The following NLRP4 variants were observed in gnomAD, a reference collection of about 807,000 sequenced individuals.
The protein encoded by NLRP4 is NACHT, LRR and PYD domains-containing protein 4.
NLRP4 carries 44 observed loss-of-function variants against 84.7 expected under a neutral mutation model. The observed-to-expected ratio is 0.52, with a 90% CI of 0.41 to 0.67. The LOEUF is 0.67. Among genes scored for constraint, NLRP4 ranks in the 30% least tolerant of loss-of-function variants. The pLI is 0.00. For synonymous variants in NLRP4, 544 were observed against 476.4 expected (o/e 1.14, Z -1.85); for missense variants, 1,260 against 1,219.4 (o/e 1.03, Z -0.50).
chr19:55,861,318 G>C, intron 3 of NLRP4, 68 bp from the exon 4 acceptor site: 2 of 1,333,686 alleles, frequency 1.5e-6, no homozygotes, highest in Non-Finnish European at 2.1e-6. Context: ...AGCGTAGTGC[G>C]TATATGTGTT....
chr19:55,861,583 C>G (rs760460550), intron 4 of NLRP4, 36 bp downstream of exon 4: 6 of 1,592,136 alleles, frequency 3.8e-6, no homozygotes, highest in African/African-American at 2.7e-5. Context: ...GAGTATGTCA[C>G]GGAGATGACC....
At chr19:55,853,622 C>G (rs1392330396) in intron 2 of NLRP4, among the ~76,000 whole-genome samples, 1 of 152,206 alleles carries the variant, frequency 6.6e-6, no homozygotes, top group East Asian at 1.9e-4. Context: ...ATTGCCCAGG[C>G]TGGTCTCAAA....
rs572769324 is a variant in NLRP4, at chr19:55,870,644, C to T, written c.2355-183C>T. Among the ~76,000 whole-genome samples, 34 of 152,186 alleles carry T rather than the reference C, an allele frequency of 2.2e-4. No homozygotes were observed. In the South Asian group the frequency reaches 2.5e-3, roughly 11 times the overall value. ...CGCCGTTGCATTCCAGCCCGGGCGACGACAGCAAAACTCCATCTCAAAAGA... is the reference window on the plus strand; with the variant it reads ...CGCCGTTGCATTCCAGCCCGGGCGATGACAGCAAAACTCCATCTCAAAAGA... On this transcript the variant is annotated intron_variant, in intron 6 of 9. Transcript: ENST00000301295.
intron 2 of NLRP4, among the ~76,000 whole-genome samples, chr19:55,856,854 G>A (rs1361568870): frequency 2.0e-5 from 3 of 152,078 alleles, no homozygotes; most frequent in South Asian, 2.1e-4. Context: ...TGAGAATTCT[G>A]CCATTGAAAG....
Position 55,878,806 on chromosome 19 carries a change from TG to T in NLRP4, c.2712del (p.Leu905Ter), listed in dbSNP as rs1568676847. 6.2e-7 allele frequency: 1 copy of T among 1,611,626 alleles called. No homozygotes were observed. The highest frequency in any genetic ancestry group is 2.2e-5 in the East Asian group (1 of 44,796). On this transcript the variant is annotated frameshift_variant, in exon 9 of 10. Transcript: ENST00000301295. LOFTEE classifies it high-confidence loss of function. ...RLEILGLEEC[G>X]LTSTCCKDLA... is the part of the protein sequence containing the mutation. ...CTTTTTATTGCAGGTTGGAAGAATG[TG>T]GGTTAACGAGCACCTGCTGTAAGGA...
rs373447772 is a variant in NLRP4 at position 55,863,991 on chromosome 19, A to G, written c.2186+1832A>G. Among the ~76,000 whole-genome samples the G allele has an allele frequency of 1.8e-4, 27 of 152,264 alleles. No homozygotes were observed. The East Asian group carries it at 3.3e-3, about 18-fold the overall frequency. On this transcript the variant is annotated intron_variant, in intron 5 of 9. Coordinates refer to ENST00000301295, the MANE Select transcript of NLRP4 (RefSeq NM_134444.5). ...ATCAACCGAACACAAAAAGACCCAA[A>G]CCCTTTTTTAAAAAATAACAACTTT...
In NLRP4 at chr19:55,878,775, A is replaced by C; in HGVS notation, c.2697-19A>C. 6.2e-7 allele frequency: 1 copy of C among 1,603,736 alleles called. No homozygotes were observed. Among genetic ancestry groups the C allele is most frequent in the Non-Finnish European group, 8.5e-7 (1 of 1,173,394 alleles). On this transcript the variant is annotated intron_variant, in intron 8 of 9. Transcript: ENST00000301295. Reference sequence around the variant, plus strand: ...CCTGAGGCTGGGGCCGCATCTTACCATGTGTCTTTTTATTGCAGGTTGGAA... The same window carrying C: ...CCTGAGGCTGGGGCCGCATCTTACCCTGTGTCTTTTTATTGCAGGTTGGAA...
chr19:55,879,051 T>C, intron 9 of NLRP4, 87 bp downstream of exon 9: 2 of 1,038,946 alleles, frequency 1.9e-6, no homozygotes, highest in Non-Finnish European at 2.8e-6. Context: ...TCACGTTGCA[T>C]TTAAAATGCA....
At chr19:55,853,028 G>C (rs1006335411) in intron 2 of NLRP4, among the ~76,000 whole-genome samples, 110 of 152,306 alleles carry the variant, frequency 7.2e-4, no homozygotes, top group African/African-American at 2.5e-3. Flanking sequence ...GTGAACTGAG[G>C]TTGACTGGTG....
chr19:55,853,799 C>G (rs1568661584), intron 2 of NLRP4, among the ~76,000 whole-genome samples: 2 of 151,790 alleles, frequency 1.3e-5, no homozygotes, highest in South Asian at 2.1e-4. Context: ...CTTTCTCTCT[C>G]TCTCTCTTTC....
At chr19:55,838,712 G>T (rs1170933383) in intron 1 of NLRP4, among the ~76,000 whole-genome samples, 1 of 151,998 alleles carries the variant, frequency 6.6e-6, no homozygotes, top group African/African-American at 2.4e-5. Flanking sequence ...TATTTTTCCT[G>T]ATCTGTTCAA....
chr19:55,863,925 T>C (rs1490982933), intron 5 of NLRP4, among the ~76,000 whole-genome samples: 1 of 152,212 alleles, frequency 6.6e-6, no homozygotes, highest in Non-Finnish European at 1.5e-5. Flanking sequence ...ATTCAAATAC[T>C]TCTCTATACT....
chr19:55,858,710 G>T lies in NLRP4; in HGVS notation c.1317G>T (p.Leu439=). 1.2e-6 allele frequency: 2 copies of T among 1,614,174 alleles called. No individual in the cohort carries two copies. Among genetic ancestry groups the T allele is most frequent in the Non-Finnish European group, 1.7e-6 (2 of 1,180,014 alleles). Reference sequence around the variant, plus strand: ...CGCTGCTGGGCACCAAGATACTTCTGAAGTACGGGGAGCGTGAGAGCTCCT... The same window carrying T: ...CGCTGCTGGGCACCAAGATACTTCTTAAGTACGGGGAGCGTGAGAGCTCCT... ...IPALLGTKIL[L]KYGERESSYV... The change falls in exon 3 of 10, where the codon CTG becomes CTT. Residue 439 remains leucine, a synonymous_variant. Transcript: ENST00000301295. This position sits in a 1 kb window ranked among gnomAD's most constrained non-coding sequence, Gnocchi z 4.2.
intron 2 of NLRP4, among the ~76,000 whole-genome samples, chr19:55,854,948 T>A (rs1334370311): frequency 2.6e-5 from 4 of 152,224 alleles, no homozygotes; most frequent in Non-Finnish European, 5.9e-5. Context: ...GGTGTTGAAC[T>A]GCTGACCTCC....
Position 55,852,001 on chromosome 19 carries a change from C to A in NLRP4, c.-65-15C>A, listed in dbSNP as rs1217403988. On this transcript the variant is annotated splice_polypyrimidine_tract_variant and intron_variant, in intron 1 of 9. Coordinates refer to ENST00000301295, the MANE Select transcript of NLRP4 (RefSeq NM_134444.5). The stretch of plus-strand genomic sequence containing the variant: ...TTATTTGTAATAACTTGGCACTGTC[C>A]TGAATTTTCTACAGGTTTTATTTAT... 1.0e-5 allele frequency: 11 copies of A among 1,077,594 alleles called. No homozygotes were observed. The highest frequency in any genetic ancestry group is 1.5e-5 in the Non-Finnish European group (11 of 722,002). 66.8% of individuals were successfully genotyped at this position (1,077,594 alleles called of 1,614,324 possible).
At chr19:55,879,299 A>C (rs1218980323) in intron 9 of NLRP4, among the ~76,000 whole-genome samples, 1 of 152,210 alleles carries the variant, frequency 6.6e-6, no homozygotes, top group Non-Finnish European at 1.5e-5. Context: ...GAAGTTTAAT[A>C]GGCAAAAGAA....
chr19:55,871,974 A>G (rs762937299), intron 7 of NLRP4, among the ~76,000 whole-genome samples: 1 of 151,864 alleles, frequency 6.6e-6, no homozygotes, highest in Non-Finnish European at 1.5e-5. Flanking sequence ...CAGCCTCCCA[A>G]GTAGCTGGGA....
At position 55,877,719 on chromosome 19, in the gene NLRP4, G is replaced by A. The variant is rs912525461; in HGVS notation, c.2696+553G>A. On this transcript the variant is annotated intron_variant, in intron 8 of 9. Transcript: ENST00000301295. ...TGCTTCAGGCCCTTCTTGTCTTGTC[G>A]ATAACCATCTGTCTTCTCCCTGTGT... is the stretch of plus-strand genomic sequence containing the variant. Among the ~76,000 whole-genome samples, 21 of 152,192 alleles carry A rather than the reference G, an allele frequency of 1.4e-4. 1 individual carries two copies. The highest frequency in any genetic ancestry group is 6.8e-3 in the Middle Eastern group (2 of 294).
chr19:55,870,300 A>AT (rs925415924), intron 6 of NLRP4, among the ~76,000 whole-genome samples: 9 of 152,212 alleles, frequency 5.9e-5, no homozygotes, highest in African/African-American at 2.2e-4. Context: ...TAGCTATGCC[A>AT]TATTACACGA....
Sources: gnomAD v4.1 joint callset for allele counts (sites outside exome capture counted in the v4.1 genomes callset) on GRCh38, gnomAD v4.1.1 for gene constraint, Gnocchi (gnomAD v3.1) non-coding constraint, MANE v1.5 for transcripts, NCBI Gene and HGNC (gene_info 2026-07-23, HGNC 2026-07-21) for gene names.